Variants in VAV3 observed in about 807,000 individuals in gnomAD.
VAV3 encodes vav guanine nucleotide exchange factor 3.
In VAV3, 94 loss-of-function variants were observed where a neutral mutation model predicts 131.2. That is an observed-to-expected ratio of 0.72 (90% confidence interval 0.61 to 0.85). The LOEUF (loss-of-function observed/expected upper bound fraction) is 0.85, where lower values mean the gene tolerates loss of function less well. VAV3 is among the 40% of genes least tolerant of loss of function. The pLI is 0.00. For missense variants in VAV3, 939 were observed against 1,002.7 expected, an observed-to-expected ratio of 0.94 and a Z score of 0.86; for synonymous variants, 349 against 342.0, an observed-to-expected ratio of 1.02 and a Z score of -0.22.
At chr1:107,698,503 GT>G (rs1446116122) in intron 17 of VAV3, among the ~76,000 whole-genome samples, 2 of 152,226 alleles carry the variant, frequency 1.3e-5, no homozygotes, top group African/African-American at 4.8e-5. Context: ...ATTGAATGCA[GT>G]TTTGACTTAC....
At chr1:107,943,664 C>T (rs1674107987) in intron 1 of VAV3, among the ~76,000 whole-genome samples, 1 of 152,290 alleles carries the variant, frequency 6.6e-6, no homozygotes, top group Non-Finnish European at 1.5e-5. Flanking sequence ...ATCGCTTGAA[C>T]CTGGGAGGCA....
intron 1 of VAV3, among the ~76,000 whole-genome samples, chr1:107,933,123 C>T (rs576149152): frequency 5.3e-5 from 8 of 152,200 alleles, no homozygotes; most frequent in African/African-American, 1.9e-4. Flanking sequence ...TATTAAAAAC[C>T]TCTTACTATT....
At chr1:107,781,970 T>A (rs761270901) in intron 2 of VAV3, among the ~76,000 whole-genome samples, 1 of 152,106 alleles carries the variant, frequency 6.6e-6, no homozygotes, top group Non-Finnish European at 1.5e-5. Context: ...AAGCGAAAAG[T>A]CTAACTTTGG....
intron 24 of VAV3, among the ~76,000 whole-genome samples, chr1:107,598,784 T>C (rs1054788473): frequency 1.4e-5 from 2 of 145,546 alleles, no homozygotes; most frequent in African/African-American, 5.1e-5. Flanking sequence ...AAGCAAAATT[T>C]TGTGAGGTCT....
chr1:107,716,847 G>A (rs896817702), intron 15 of VAV3, among the ~76,000 whole-genome samples: 4 of 152,126 alleles, frequency 2.6e-5, no homozygotes, highest in East Asian at 3.9e-4. Flanking sequence ...GGTAGAATCC[G>A]GCTGTGAATC....
intron 15 of VAV3, among the ~76,000 whole-genome samples, chr1:107,740,334 G>A (rs112865057): frequency 6.6e-6 from 1 of 151,804 alleles, no homozygotes; most frequent in African/African-American, 2.4e-5. Flanking sequence ...CTACTGAATA[G>A]AGAAAAAGTT....
intron 20 of VAV3, among the ~76,000 whole-genome samples, chr1:107,618,000 G>A (rs1048489757): frequency 6.6e-6 from 1 of 152,062 alleles, no homozygotes; most frequent in African/African-American, 2.4e-5. Context: ...AGGTGGTTTC[G>A]GGAGGAAACT....
At chr1:107,904,781 G>C (rs1672023930) in intron 1 of VAV3, among the ~76,000 whole-genome samples, 1 of 152,088 alleles carries the variant, frequency 6.6e-6, no homozygotes, top group Admixed American at 6.5e-5. Context: ...TTTCTCTTTT[G>C]GGGTAAGAGG....
At chr1:107,812,317 C>G (rs6683295) in intron 2 of VAV3, among the ~76,000 whole-genome samples, 22,967 of 151,990 alleles carry the variant, frequency 0.15, 2,002 homozygotes, top group East Asian at 0.29. Flanking sequence ...ATGGAAAATC[C>G]TATAATAGAC....
chr1:107,695,284 G>C (rs1557769359), intron 17 of VAV3, among the ~76,000 whole-genome samples: 1 of 152,166 alleles, frequency 6.6e-6, no homozygotes, highest in Non-Finnish European at 1.5e-5. Context: ...GAAACCATCA[G>C]ACGGAAGATA....
At chr1:107,918,064 A>C (rs549961128) in intron 1 of VAV3, among the ~76,000 whole-genome samples, 3 of 152,370 alleles carry the variant, frequency 2.0e-5, no homozygotes, top group Non-Finnish European at 4.4e-5. Context: ...AGCTAACTTC[A>C]GAAGGAAATA....
intron 1 of VAV3, among the ~76,000 whole-genome samples, chr1:107,934,624 G>A (rs868678388): frequency 6.6e-6 from 1 of 152,144 alleles, no homozygotes; most frequent in Non-Finnish European, 1.5e-5. Context: ...ACAAACACAG[G>A]TAGCTCTGTT....
rs1289889056 is a variant in VAV3 at position 107,755,468 on chromosome 1, G to A, written c.1132C>T (p.Leu378Phe). 6.2e-7 allele frequency: 1 copy of A among 1,613,674 alleles called. No homozygotes were observed. The highest frequency in any genetic ancestry group is 8.5e-7 in the Non-Finnish European group (1 of 1,179,724). The change falls in exon 12 of 27, where the codon CTT (leucine) becomes TTT (phenylalanine). Residue 378 changes from leucine to phenylalanine, a missense_variant. Physicochemically the swap from Leu to Phe is conservative, Grantham distance 22 (BLOSUM62 0). Transcript: ENST00000370056. ...VNEVKRDNET[L>F]REIKQFQLSI... is the part of the protein sequence containing the mutation. ...AGCTGAAACTGTTTAATTTCACGAAGGGTCTCATTATCTCTTTTCACTTCA... is the reference window on the plus strand; with the variant it reads ...AGCTGAAACTGTTTAATTTCACGAAAGGTCTCATTATCTCTTTTCACTTCA...
At chr1:107,732,170 T>A (rs1662284827) in intron 15 of VAV3, among the ~76,000 whole-genome samples, 1 of 152,248 alleles carries the variant, frequency 6.6e-6, no homozygotes, top group African/African-American at 2.4e-5. Context: ...ATCTGTTTCA[T>A]ATACCTTGCA....
At position 107,964,774 on chromosome 1, in the gene VAV3, G is replaced by A. The variant is rs772187333; in HGVS notation, c.96C>T (p.Asp32=). 64 of 1,613,958 alleles carry A rather than the reference G, an allele frequency of 4.0e-5. 1 individual carries two copies. In the South Asian group the frequency reaches 7.0e-4, roughly 18 times the overall value. ...CTCCATCGCGGAGGGTCTGCGCAAG[G>A]TCGAACACCTGAGCCGAGTCCCAGG... ...RVTWDSAQVF[D]LAQTLRDGVL... is the part of the protein sequence containing the mutation. Residue 32 remains aspartate, a synonymous_variant, in exon 1 of 27, where the codon GAC becomes GAT. Transcript: ENST00000370056.
intron 2 of VAV3, among the ~76,000 whole-genome samples, chr1:107,849,401 A>G (rs1274235522): frequency 6.6e-6 from 1 of 152,184 alleles, no homozygotes; most frequent in Admixed American, 6.5e-5. Context: ...ATGGAACAGA[A>G]TAGAGGCCTC....
At position 107,709,375 on chromosome 1, in the gene VAV3, A is replaced by G. The variant is rs374752928; in HGVS notation, c.1503-4314T>C. Among the ~76,000 whole-genome samples the G allele has an allele frequency of 8.5e-4, 130 of 152,318 alleles. 2 individuals carry two copies. The South Asian group carries it at 0.026, about 31-fold the overall frequency. On this transcript the variant is annotated intron_variant, in intron 15 of 26. Coordinates refer to ENST00000370056, the MANE Select transcript of VAV3 (RefSeq NM_006113.5). ...TTGTTTTCAAAAGCTGCCTTTTGCC[A>G]CATTATCAGATAGAAAGATGGAAGA...
chr1:107,759,141 T>G (rs1664279293), intron 10 of VAV3, among the ~76,000 whole-genome samples: 2 of 152,202 alleles, frequency 1.3e-5, no homozygotes, highest in Admixed American at 1.3e-4. Flanking sequence ...CTTTCTAAAT[T>G]ATGAGCTTTA....
rs35814699 is a variant in VAV3, at chr1:107,837,102, C to CAA, written c.321+37797_321+37798dup. 3.9e-4 allele frequency among the ~76,000 whole-genome samples: 57 copies of CAA among 146,710 alleles called. 1 individual carries two copies. The highest frequency in any genetic ancestry group is 1.4e-3 in the African/African-American group (55 of 39,444). The stretch of plus-strand genomic sequence containing the variant: ...CAAAACCTGGCAGAGAAACAATGGG[C>CAA]AAAAAAAAACAAAACGAAACAAAAC... On this transcript the variant is annotated intron_variant, in intron 2 of 26. Transcript: ENST00000370056.
Sources: gnomAD v4.1 joint callset for allele counts (sites outside exome capture counted in the v4.1 genomes callset) on GRCh38, gnomAD v4.1.1 for gene constraint, MANE v1.5 for transcripts, NCBI Gene and HGNC (gene_info 2026-07-23, HGNC 2026-07-21) for gene names.